DSE: variants seen among roughly 807,000 people sequenced by gnomAD.
DSE encodes dermatan-sulfate epimerase.
Under a neutral mutation model 84.4 loss-of-function variants are expected in DSE, and 36 were observed. The ratio of observed to expected loss-of-function variants is 0.43; its 90% confidence interval spans 0.33 to 0.56. The LOEUF is 0.56. Ranked by LOEUF, DSE falls within the 20% of genes least tolerant of loss-of-function variation. DSE has a pLI of 0.06. For synonymous variants in DSE, 410 were observed against 430.1 expected, an observed-to-expected ratio of 0.95 and a Z score of 0.58; for missense variants, 862 against 1,169.6, an observed-to-expected ratio of 0.74 and a Z score of 3.84.
At chr6:116,424,246 G>A (rs1783283183) in intron 2 of DSE, among the ~76,000 whole-genome samples, 1 of 152,182 alleles carries the variant, frequency 6.6e-6, no homozygotes, top group Non-Finnish European at 1.5e-5. Flanking sequence ...GGCAATGAGT[G>A]TGCAGTATGA....
rs569470656 is a variant in DSE, at chr6:116,398,200, C to T, written c.-53-998C>T. ...GACTTTCCTCTGAGGGATTTTCTGC[C>T]TGCTTTATCCCAGATGTGGGACATT... On this transcript the variant is annotated intron_variant, in intron 1 of 5. Coordinates refer to ENST00000644252, the MANE Select transcript of DSE (RefSeq NM_013352.4). 2.0e-5 allele frequency among the ~76,000 whole-genome samples: 3 copies of T among 152,282 alleles called. 1 individual carries two copies. In the South Asian group the frequency reaches 6.2e-4, roughly 32 times the overall value.
At chr6:116,303,389 C>A (rs950149644) in intron 2 of DSE, among the ~76,000 whole-genome samples, 1 of 152,166 alleles carries the variant, frequency 6.6e-6, no homozygotes, top group African/African-American at 2.4e-5. Context: ...ATTTAATACC[C>A]TTTCCCCTGG....
chr6:116,261,875 T>C (rs926993523), intron 2 of DSE, among the ~76,000 whole-genome samples: 3 of 152,240 alleles, frequency 2.0e-5, no homozygotes, highest in African/African-American at 7.2e-5. Context: ...TGTCTTTAGT[T>C]CTGTTTATGT....
At chr6:116,376,170 C>G (rs1044555762) in intron 1 of DSE, among the ~76,000 whole-genome samples, 16 of 152,182 alleles carry the variant, frequency 1.1e-4, no homozygotes, top group African/African-American at 3.9e-4. Context: ...TTACAGACCC[C>G]CTTTCCGCAG....
chr6:116,269,384 TTAAA>T (rs1772781594), intron 2 of DSE, among the ~76,000 whole-genome samples: 1 of 152,210 alleles, frequency 6.6e-6, no homozygotes, highest in Non-Finnish European at 1.5e-5. Context: ...AAGAATTACA[TTAAA>T]TAAACAATAT....
At chr6:116,265,899 T>C (rs994901181) in intron 2 of DSE, among the ~76,000 whole-genome samples, 3 of 152,194 alleles carry the variant, frequency 2.0e-5, no homozygotes, top group African/African-American at 7.2e-5. Context: ...GGGTTCTGCA[T>C]CAGATGGCTT....
intron 2 of DSE, among the ~76,000 whole-genome samples, chr6:116,421,945 A>T (rs1783122417): frequency 1.3e-5 from 2 of 152,186 alleles, no homozygotes; most frequent in South Asian, 4.1e-4. Context: ...AATCTTTTCA[A>T]ATAATTGTGA....
intron 2 of DSE, among the ~76,000 whole-genome samples, chr6:116,338,738 G>A (rs7742450): frequency 6.6e-6 from 1 of 152,192 alleles, no homozygotes; most frequent in Non-Finnish European, 1.5e-5. Context: ...TTACAAAGTT[G>A]TAAAGTGATA....
rs146524076 is a variant in DSE at position 116,399,328 on chromosome 6, C to A, written c.78C>A (p.Asp26Glu). The A allele has an allele frequency of 3.3e-5, 54 of 1,613,932 alleles. No homozygotes were observed. In the African/African-American group the frequency reaches 5.6e-4, roughly 17 times the overall value. The change falls in exon 2 of 6, where the codon GAC (aspartate) becomes GAA (glutamate). Residue 26 changes from aspartate to glutamate, a missense_variant. Asp to Glu is a conservative substitution (Grantham distance 45). This residue lies in a region of DSE where 52 missense variants were observed against 49.6 expected (regional missense o/e 1.05). Transcript: ENST00000644252. The part of the protein sequence containing the change: ...LLCFVSAYIT[D>E]ENPEVMIPFT... ...GCTTTGTGTCAGCCTACATCACCGA[C>A]GAGAACCCAGAAGTTATGATTCCCT...
chr6:116,403,345 G>A (rs1476313784), intron 2 of DSE, among the ~76,000 whole-genome samples: 1 of 151,396 alleles, frequency 6.6e-6, no homozygotes, highest in African/African-American at 2.4e-5. Flanking sequence ...ATATATAATG[G>A]CAAAATATTC....
chr6:116,341,434 T>A (rs1402719428), intron 2 of DSE, among the ~76,000 whole-genome samples: 1 of 152,234 alleles, frequency 6.6e-6, no homozygotes, highest in Admixed American at 6.5e-5. Flanking sequence ...GGTTGCCTGT[T>A]CACTCTGATG....
At chr6:116,327,881 G>A (rs1473636749) in intron 2 of DSE, among the ~76,000 whole-genome samples, 1 of 152,178 alleles carries the variant, frequency 6.6e-6, no homozygotes, top group East Asian at 1.9e-4. Context: ...TCTTTTAGCT[G>A]TTGTGGTATT....
Position 116,441,646 on chromosome 6 carries a change from A to T in DSE, c.*4301A>T, listed in dbSNP as rs997060560. ...GGCCATAATTTTAAATGTGGTGATCAGGTTAGGCTTTATTGATGTCTCCAC... is the reference window on the plus strand; with the variant it reads ...GGCCATAATTTTAAATGTGGTGATCTGGTTAGGCTTTATTGATGTCTCCAC... On this transcript the variant is annotated 3_prime_UTR_variant, in exon 6 of 6. Coordinates refer to ENST00000644252, the MANE Select transcript of DSE (RefSeq NM_013352.4). 6.6e-6 allele frequency: 1 copy of T among 152,194 alleles called. No homozygotes were observed. The highest frequency in any genetic ancestry group is 2.4e-5 in the African/African-American group (1 of 41,454). 9.4% of individuals were successfully genotyped at this position (152,194 alleles called of 1,614,324 possible).
intron 2 of DSE, among the ~76,000 whole-genome samples, chr6:116,332,095 C>T (rs921885881): frequency 6.6e-6 from 1 of 152,070 alleles, no homozygotes; most frequent in African/African-American, 2.4e-5. Context: ...ATTCTAATCT[C>T]GACTTGTAGA....
intron 2 of DSE, among the ~76,000 whole-genome samples, chr6:116,350,900 A>G (rs1778273041): frequency 6.8e-6 from 1 of 146,778 alleles, no homozygotes; most frequent in Admixed American, 6.6e-5. Flanking sequence ...TTCCTGGCAT[A>G]TCTTCCTTTT....
chr6:116,297,137 AGT>A (rs1774716771), intron 2 of DSE, among the ~76,000 whole-genome samples: 1 of 152,124 alleles, frequency 6.6e-6, no homozygotes, highest in Non-Finnish European at 1.5e-5. Flanking sequence ...GCACTGTTTC[AGT>A]GTGTGCTGAC....
chr6:116,395,638 A>C (rs113380628), intron 1 of DSE, among the ~76,000 whole-genome samples: 40 of 152,266 alleles, frequency 2.6e-4, no homozygotes, highest in African/African-American at 9.4e-4. Flanking sequence ...TAGAAATCTC[A>C]GGTTTGATGT....
intron 2 of DSE, among the ~76,000 whole-genome samples, chr6:116,281,122 A>G (rs915172619): frequency 6.6e-6 from 1 of 152,190 alleles, no homozygotes; most frequent in Admixed American, 6.5e-5. Flanking sequence ...GTCAGAGAAG[A>G]TAAGAGGACG....
At chr6:116,417,504 A>G (rs1474421080) in intron 2 of DSE, among the ~76,000 whole-genome samples, 2 of 152,140 alleles carry the variant, frequency 1.3e-5, no homozygotes, top group Non-Finnish European at 2.9e-5. Flanking sequence ...ACTCCTCAGT[A>G]TTCTGCTTGA....
Sources: allele counts gnomAD v4.1 joint callset (sites outside exome capture counted in the v4.1 genomes callset), GRCh38; gene constraint gnomAD v4.1.1; regional missense constraint gnomAD v4.1.1; transcripts MANE v1.5; gene names NCBI Gene and HGNC (gene_info 2026-07-23, HGNC 2026-07-21).